CAPN15: variants seen among roughly 807,000 people sequenced by gnomAD.
CAPN15 encodes the protein calpain-15.
CAPN15 carries 53 observed loss-of-function variants against 97.9 expected under a neutral mutation model. The ratio of observed to expected loss-of-function variants is 0.54; its 90% CI spans 0.43 to 0.68. CAPN15 has a LOEUF of 0.68. Among genes scored for constraint, CAPN15 ranks in the 30% least tolerant of loss-of-function variants. The pLI is 0.00. For synonymous variants in CAPN15, 922 were observed against 722.5 expected (o/e 1.28, Z -4.43); for missense variants, 1,592 against 1,589.8 (o/e 1.00, Z -0.02).
chr16:544,096 G>A (rs1332794041), intron 3 of CAPN15, among the ~76,000 whole-genome samples: 1 of 151,846 alleles, frequency 6.6e-6, no homozygotes, highest in Non-Finnish European at 1.5e-5. Flanking sequence ...GCACAGAGAG[G>A]CAACAAGGGT....
rs910277167 is a variant in CAPN15 at position 546,988 on chromosome 16, C to T, written c.150C>T (p.Cys50=). ...RLSVEEQKWP[C]ARCTFRNFLG... ...GCGTGGAGGAGCAGAAATGGCCCTG[C>T]GCCCGCTGCACCTTCCGCAACTTCC... The change falls in exon 4 of 14, where the codon TGC becomes TGT. Residue 50 remains cysteine (C), a synonymous_variant. Coordinates refer to ENST00000219611, the MANE Select transcript of CAPN15 (RefSeq NM_005632.3). 25 of 1,610,068 alleles carry T rather than the reference C, an allele frequency of 1.6e-5. No individual in the cohort carries two copies. Among genetic ancestry groups the T allele is most frequent in the African/African-American group, 2.7e-5 (2 of 75,062 alleles).
At position 549,734 on chromosome 16, in the gene CAPN15, C is replaced by T. The variant is rs1248663110; in HGVS notation, c.1962C>T (p.Ala654=). 1 of 1,583,648 alleles carries T rather than the reference C, an allele frequency of 6.3e-7. No homozygotes were observed. Among genetic ancestry groups the T allele is most frequent in the Non-Finnish European group, 8.6e-7 (1 of 1,165,682 alleles). ...AAGGCCTGGCCACGCTCACCGGCGC[C>T]CCCTGTGAGAGCCTGGCGCTGCAGC... The part of the protein sequence containing the change: ...AIEGLATLTG[A]PCESLALQLS... Residue 654 remains alanine (A), a synonymous_variant, in exon 7 of 14, where the codon GCC becomes GCT. Transcript: ENST00000219611.
In CAPN15 at chr16:541,661, G is replaced by A. The variant is rs139831523; in HGVS notation, c.-22-5156G>A. ...AGAGTGCAGTTTGGTCACTCTTAGT[G>A]GTTTGTAGAGTTGTGCAGCCGTCAT... On this transcript the variant is annotated intron_variant, in intron 3 of 13. Transcript: ENST00000219611. Among the ~76,000 whole-genome samples the A allele has an allele frequency of 5.8e-4, 88 of 152,354 alleles. 1 individual carries two copies. Among genetic ancestry groups the A allele is most frequent in the African/African-American group, 2.1e-3 (87 of 41,584 alleles).
At chr16:530,467 C>T (rs1261023309) in intron 1 of CAPN15, among the ~76,000 whole-genome samples, 2 of 152,214 alleles carry the variant, frequency 1.3e-5, no homozygotes, top group Admixed American at 6.5e-5. Flanking sequence ...GACACGGCCA[C>T]ACCTGAGCTC....
Position 547,580 on chromosome 16 carries a change from C to G in CAPN15, c.742C>G (p.Arg248Gly). Reference protein sequence around the residue: ...TLQNNPVPRSRREVPPQLQPP... With the variant: ...TLQNNPVPRSGREVPPQLQPP... ...GCAGAACAACCCCGTGCCGCGCAGC[C>G]GACGCGAGGTTCCCCCCCAGCTGCA... The change falls in exon 4 of 14, where the codon CGA becomes GGA. Residue 248 changes from arginine (R) to glycine (G), a missense_variant. By Grantham distance (125) the Arg-to-Gly change is moderately radical (BLOSUM62 -2). This residue lies in a region of CAPN15 where 883 missense variants were observed against 776.6 expected (regional missense o/e 1.14). Transcript: ENST00000219611. The G allele has an allele frequency of 6.3e-7, 1 of 1,580,896 alleles. No homozygotes were observed. The highest frequency in any genetic ancestry group is 2.3e-5 in the East Asian group (1 of 44,356).
Position 551,881 on chromosome 16 carries a change from G to GCTTCCTA in CAPN15, c.2346-169_2346-163dup, listed in dbSNP as rs753695318. 7 of 977,690 alleles carry GCTTCCTA rather than the reference G, an allele frequency of 7.2e-6. No individual in the cohort carries two copies. In the South Asian group the frequency reaches 9.7e-5, roughly 14 times the overall value. The allele number at this position is 977,690 out of a possible 1,614,324, so 60.6% of individuals were successfully genotyped here. On this transcript the variant is annotated intron_variant, in intron 9 of 13. Coordinates refer to ENST00000219611, the MANE Select transcript of CAPN15 (RefSeq NM_005632.3). Reference sequence around the variant, plus strand: ...CGCCCTGAAGAGCCGGCCCTGGAGGGCTTCCTATTATAGGCCTCAGGGATG... The same window carrying GCTTCCTA: ...CGCCCTGAAGAGCCGGCCCTGGAGGGCTTCCTACTTCCTATTATAGGCCTCAGGGATG...
At chr16:537,025 C>G (rs556514561) in intron 3 of CAPN15, 100 of 555,218 alleles carry the variant, frequency 1.8e-4, no homozygotes, top group Admixed American at 1.5e-3. Flanking sequence ...GGCGGTTCAG[C>G]GATACCATCT....
chr16:540,226 G>A (rs549744395), intron 3 of CAPN15: 712 of 985,526 alleles, frequency 7.2e-4, no homozygotes, highest in South Asian at 1.7e-3. Flanking sequence ...CGCAGAGACC[G>A]AGTCGGACCA....
chr16:537,347 C>A (rs999190309), intron 3 of CAPN15: 8 of 985,444 alleles, frequency 8.1e-6, no homozygotes, highest in Non-Finnish European at 8.4e-6. Context: ...CCACTTCTGC[C>A]TTGGGCCTAA....
intron 1 of CAPN15, chr16:528,719 A>G: frequency 1.0e-6 from 1 of 985,364 alleles, no homozygotes; most frequent in Non-Finnish European, 1.2e-6. Context: ...ACCGGACTGC[A>G]GGTAACAAGA....
rs1313058031 is a variant in CAPN15 at position 552,518 on chromosome 16, C to T, written c.2725C>T (p.Pro909Ser). 6.2e-7 allele frequency: 1 copy of T among 1,602,348 alleles called. No homozygotes were observed. The highest frequency in any genetic ancestry group is 8.5e-7 in the Non-Finnish European group (1 of 1,178,064). The change falls in exon 11 of 14, where the codon CCT becomes TCT. Residue 909 changes from proline to serine, a missense_variant. Physicochemically the swap from Pro to Ser is moderately conservative, Grantham distance 74. Coordinates refer to ENST00000219611, the MANE Select transcript of CAPN15 (RefSeq NM_005632.3). This position sits in a 1 kb window ranked among gnomAD's most constrained non-coding sequence, Gnocchi z 6.4. ...NHWGPPLPGTPAPQASSPSAG... is the reference protein window; with the variant it reads ...NHWGPPLPGTSAPQASSPSAG... Reference sequence around the variant, plus strand: ...CTGGGGGCCGCCCCTGCCGGGCACCCCTGCCCCCCAGGGTACGTGGCCCCT... The same window carrying T: ...CTGGGGGCCGCCCCTGCCGGGCACCTCTGCCCCCCAGGGTACGTGGCCCCT...
rs754630964 is a variant in CAPN15 at position 549,722 on chromosome 16, G to A, written c.1950G>A (p.Thr650=). 5.1e-5 allele frequency: 80 copies of A among 1,575,988 alleles called. No homozygotes were observed. Among genetic ancestry groups the A allele is most frequent in the Middle Eastern group, 3.4e-4 (2 of 5,952 alleles). The change falls in exon 7 of 14, where the codon ACG becomes ACA. Residue 650 remains threonine, a synonymous_variant. Transcript: ENST00000219611. ...QAGRAIEGLA[T]LTGAPCESLA... ...GCCGCGCCATCGAAGGCCTGGCCACGCTCACCGGCGCCCCCTGTGAGAGCC... is the reference window on the plus strand; with the variant it reads ...GCCGCGCCATCGAAGGCCTGGCCACACTCACCGGCGCCCCCTGTGAGAGCC...
At chr16:540,490 G>C (rs1452545784) in intron 3 of CAPN15, 1 of 362,056 alleles carries the variant, frequency 2.8e-6, no homozygotes, top group Non-Finnish European at 3.8e-6. Context: ...CCTTCCAGTT[G>C]TGGCAGCTCT....
chr16:548,635 C>T (rs1320068655), intron 4 of CAPN15, among the ~76,000 whole-genome samples: 1 of 152,242 alleles, frequency 6.6e-6, no homozygotes, highest in Non-Finnish European at 1.5e-5. Flanking sequence ...CGGGATGTAC[C>T]CGTGCTCCGC....
rs184082238 is a variant in CAPN15, at chr16:536,125, C to T, written c.-40C>T. ...CGTGTGCCCAGGCCCTGAGGTGGGCCGGACCTGGGAGTGGCAGGTGAGCGT... is the reference window on the plus strand; with the variant it reads ...CGTGTGCCCAGGCCCTGAGGTGGGCTGGACCTGGGAGTGGCAGGTGAGCGT... On this transcript the variant is annotated 5_prime_UTR_variant, in exon 3 of 14. Transcript: ENST00000219611. 3.3e-4 allele frequency: 319 copies of T among 980,358 alleles called. 1 individual carries two copies. The African/African-American group carries it at 5.2e-3, about 16-fold the overall frequency. 60.7% of individuals were successfully genotyped at this position (980,358 alleles called of 1,614,324 possible). A position where few individuals can be genotyped will look rare whatever the true frequency, so the allele number is the denominator to read the frequency against.
intron 4 of CAPN15, among the ~76,000 whole-genome samples, chr16:548,688 C>T (rs1053920030): frequency 4.6e-5 from 7 of 152,250 alleles, no homozygotes; most frequent in African/African-American, 1.2e-4. Flanking sequence ...TCAACTGGGG[C>T]GCAGCCTGCA....
chr16:546,949 C>T lies in CAPN15; in HGVS notation c.111C>T (p.His37=). Residue 37 remains histidine (H), a synonymous_variant, in exon 4 of 14, where the codon CAC becomes CAT. Transcript: ENST00000219611. ...CCCGGCACAAGCCCGACCTCAACCA[C>T]ATCCTGCGGCTCAGCGTGGAGGAGC... The part of the protein sequence containing the change: ...EAPRHKPDLN[H]ILRLSVEEQK... 1 of 1,610,694 alleles carries T rather than the reference C, an allele frequency of 6.2e-7. No individual in the cohort carries two copies. Among genetic ancestry groups the T allele is most frequent in the Non-Finnish European group, 8.5e-7 (1 of 1,179,892 alleles).
Position 547,060 on chromosome 16 carries a change from G to A in CAPN15, c.222G>A (p.Ala74=), listed in dbSNP as rs555913862. The A allele has an allele frequency of 2.9e-5, 47 of 1,601,714 alleles. No homozygotes were observed. Among genetic ancestry groups the A allele is most frequent in the South Asian group, 5.5e-5 (5 of 90,100 alleles). Residue 74 remains alanine (A), a synonymous_variant, in exon 4 of 14, where the codon GCG becomes GCA. Transcript: ENST00000219611. ...TGTGCGGCTTCACCCCGGAGCCTGCGCCTGGGGCTGCCTTCCTGCCAGTCC... is the reference window on the plus strand; with the variant it reads ...TGTGCGGCTTCACCCCGGAGCCTGCACCTGGGGCTGCCTTCCTGCCAGTCC... ...CEVCGFTPEP[A]PGAAFLPVLN...
Position 548,974 on chromosome 16 carries a change from A to G in CAPN15, c.1450-19A>G, listed in dbSNP as rs2034801299. 6.2e-7 allele frequency: 1 copy of G among 1,611,698 alleles called. No homozygotes were observed. The highest frequency in any genetic ancestry group is 8.5e-7 in the Non-Finnish European group (1 of 1,179,138). On this transcript the variant is annotated intron_variant, in intron 4 of 13. Coordinates refer to ENST00000219611, the MANE Select transcript of CAPN15 (RefSeq NM_005632.3). ...AGGCCACCCTGCCCAGCCTGAGCAC[A>G]TGGCCGTGGTCTCTGCAGAACAATG...
Sources: gnomAD v4.1 joint callset for allele counts (sites outside exome capture counted in the v4.1 genomes callset) on GRCh38, gnomAD v4.1.1 for gene constraint, gnomAD v4.1.1 regional missense constraint, Gnocchi (gnomAD v3.1) non-coding constraint, MANE v1.5 for transcripts, NCBI Gene and HGNC (gene_info 2026-07-23, HGNC 2026-07-21) for gene names.